TRIM44: variants seen among roughly 807,000 people sequenced by gnomAD.
TRIM44 encodes the protein tripartite motif-containing protein 44.
TRIM44 carries 13 observed loss-of-function variants against 37.4 expected under a neutral mutation model. The observed-to-expected ratio is 0.35, with a 90% CI of 0.23 to 0.55. The LOEUF is 0.55. TRIM44 is among the 20% of genes least tolerant of loss of function. TRIM44 has a pLI of 0.89. For missense variants in TRIM44, 426 were observed against 437.2 expected, an observed-to-expected ratio of 0.97 and a Z score of 0.23; for synonymous variants, 175 against 157.2, an observed-to-expected ratio of 1.11 and a Z score of -0.85.
chr11:35,744,182 C>G (rs1457302214), intron 4 of TRIM44, among the ~76,000 whole-genome samples: 1 of 152,084 alleles, frequency 6.6e-6, no homozygotes, highest in East Asian at 1.9e-4. Flanking sequence ...GCTCATTTCC[C>G]TATTAGAGTA....
At chr11:35,746,622 ATT>A (rs1425288754) in intron 4 of TRIM44, among the ~76,000 whole-genome samples, 4 of 151,810 alleles carry the variant, frequency 2.6e-5, no homozygotes, top group East Asian at 1.9e-4. Context: ...ATGAGTGCAG[ATT>A]TTCTTAAAAT....
rs552524886 is a variant in TRIM44 at position 35,669,404 on chromosome 11, TTTA to T, written c.669+5625_669+5627del. ...TTTAGTTTGCTTTTACTCTGAGATTTTTAGCAGGGTGAAAAGGTGAGAGGGTCC... is the reference window on the plus strand; with the variant it reads ...TTTAGTTTGCTTTTACTCTGAGATTTGCAGGGTGAAAAGGTGAGAGGGTCC... On this transcript the variant is annotated intron_variant, in intron 1 of 4. Coordinates refer to ENST00000299413, the MANE Select transcript of TRIM44 (RefSeq NM_017583.6). Among the ~76,000 whole-genome samples, 573 of 152,302 alleles carry T rather than the reference TTTA, an allele frequency of 3.8e-3. 3 individuals carry two copies. Among genetic ancestry groups the T allele is most frequent in the Non-Finnish European group, 6.8e-3 (461 of 68,036 alleles).
intron 2 of TRIM44, among the ~76,000 whole-genome samples, chr11:35,685,568 G>A (rs540970928): frequency 7.9e-4 from 121 of 152,318 alleles, no homozygotes; most frequent in Non-Finnish European, 1.2e-3. Flanking sequence ...CTGAACTGCA[G>A]ACAGGTGCAT....
chr11:35,789,545 G>C (rs1853174684), intron 4 of TRIM44, among the ~76,000 whole-genome samples: 1 of 152,118 alleles, frequency 6.6e-6, no homozygotes, highest in African/African-American at 2.4e-5. Context: ...TTGCCCAGAG[G>C]GTACTCAGTT....
chr11:35,792,303 G>A (rs927162609), intron 4 of TRIM44, among the ~76,000 whole-genome samples: 1 of 152,114 alleles, frequency 6.6e-6, no homozygotes, highest in Non-Finnish European at 1.5e-5. Flanking sequence ...ATAAATACTT[G>A]TTCACTGAAA....
chr11:35,796,299 C>T (rs1287084457), intron 4 of TRIM44, among the ~76,000 whole-genome samples: 1 of 152,198 alleles, frequency 6.6e-6, no homozygotes, highest in South Asian at 2.1e-4. Context: ...ACACATACAG[C>T]GTGAATCTCT....
Position 35,815,926 on chromosome 11 carries a change from C to T in TRIM44, c.*9541C>T, listed in dbSNP as rs1853576056. 4 of 152,150 alleles carry T rather than the reference C, an allele frequency of 2.6e-5. No individual in the cohort carries two copies. The South Asian group carries it at 8.3e-4, about 32-fold the overall frequency. The allele number at this position is 152,150 out of a possible 1,614,324, so 9.4% of individuals were successfully genotyped here. A position where few individuals can be genotyped will look rare whatever the true frequency, so the allele number is the denominator to read the frequency against. ...TCAGAAAAAGACAATTTTACAATGA[C>T]TTACTTCTAATAATCACTGAAACAG... On this transcript the variant is annotated 3_prime_UTR_variant, in exon 5 of 5. Coordinates refer to ENST00000299413, the MANE Select transcript of TRIM44 (RefSeq NM_017583.6).
chr11:35,791,157 C>G (rs1021962368), intron 4 of TRIM44, among the ~76,000 whole-genome samples: 1 of 152,062 alleles, frequency 6.6e-6, no homozygotes, highest in African/African-American at 2.4e-5. Context: ...TCCATTTGCT[C>G]CAGACCCCCA....
Position 35,795,282 on chromosome 11 carries a change from G to A in TRIM44, c.1008-11076G>A, listed in dbSNP as rs746603492. 5.3e-5 allele frequency among the ~76,000 whole-genome samples: 8 copies of A among 152,226 alleles called. No homozygotes were observed. The South Asian group carries it at 6.2e-4, about 12-fold the overall frequency. On this transcript the variant is annotated intron_variant, in intron 4 of 4. Transcript: ENST00000299413. The stretch of plus-strand genomic sequence containing the variant: ...TTGAAGGATTTTTAAATGGGGTACT[G>A]ATATAATCTATTGCACATTTTTGAA...
intron 4 of TRIM44, among the ~76,000 whole-genome samples, chr11:35,785,736 C>T (rs1374041489): frequency 6.6e-6 from 1 of 152,198 alleles, no homozygotes; most frequent in Admixed American, 6.5e-5. Flanking sequence ...GCAAATGTGC[C>T]TTCAGGGGCC....
intron 2 of TRIM44, among the ~76,000 whole-genome samples, chr11:35,710,620 C>T (rs1851957738): frequency 6.6e-6 from 1 of 152,146 alleles, no homozygotes; most frequent in Non-Finnish European, 1.5e-5. Flanking sequence ...GTTTATTATG[C>T]AGATTTAAGT....
intron 1 of TRIM44, among the ~76,000 whole-genome samples, chr11:35,673,262 T>C (rs552598335): frequency 6.6e-6 from 1 of 152,214 alleles, no homozygotes; most frequent in East Asian, 1.9e-4. Flanking sequence ...GCATATGATA[T>C]TGGGCAGAGA....
intron 4 of TRIM44, among the ~76,000 whole-genome samples, chr11:35,762,714 C>A (rs552595511): frequency 3.1e-4 from 47 of 152,250 alleles, no homozygotes; most frequent in Non-Finnish European, 3.4e-4. Context: ...CAGTGTGATG[C>A]AATGGTTAAA....
intron 1 of TRIM44, among the ~76,000 whole-genome samples, chr11:35,670,866 T>C (rs866059223): frequency 6.6e-6 from 1 of 152,350 alleles, no homozygotes. Context: ...TGACATTTGC[T>C]CTTTTAGGTA....
chr11:35,781,074 G>A (rs1169882864), intron 4 of TRIM44, among the ~76,000 whole-genome samples: 1 of 152,146 alleles, frequency 6.6e-6, no homozygotes, highest in African/African-American at 2.4e-5. Flanking sequence ...GGACTGGGGA[G>A]AAGAAGCTAC....
chr11:35,778,707 G>C lies in TRIM44; in HGVS notation c.1008-27651G>C, dbSNP rs188115142. On this transcript the variant is annotated intron_variant, in intron 4 of 4. Transcript: ENST00000299413. ...AGTCAGGACCCTCAGCTGCAGGTCT[G>C]TTGGAATTTGCTGGAGGTCCACTCC... is the stretch of plus-strand genomic sequence containing the variant. Among the ~76,000 whole-genome samples the C allele has an allele frequency of 1.1e-3, 174 of 152,342 alleles. 1 individual carries two copies. The highest frequency in any genetic ancestry group is 4.0e-3 in the African/African-American group (168 of 41,592).
chr11:35,760,336 C>G (rs902189912), intron 4 of TRIM44, among the ~76,000 whole-genome samples: 1 of 152,208 alleles, frequency 6.6e-6, no homozygotes, highest in Admixed American at 6.5e-5. Context: ...TTGCTAAGAC[C>G]GTTGGAAAAG....
At chr11:35,756,221 A>G (rs1246591395) in intron 4 of TRIM44, among the ~76,000 whole-genome samples, 4 of 150,960 alleles carry the variant, frequency 2.6e-5, no homozygotes, top group African/African-American at 7.3e-5. Flanking sequence ...GGTCCTTCAC[A>G]TCCCTTGTAA....
intron 4 of TRIM44, among the ~76,000 whole-genome samples, chr11:35,765,864 G>A (rs1852791883): frequency 6.6e-6 from 1 of 152,076 alleles, no homozygotes; most frequent in Non-Finnish European, 1.5e-5. Flanking sequence ...GTATAACTAT[G>A]TCTCCTGTTT....
Sources: gnomAD v4.1 joint callset for allele counts (sites outside exome capture counted in the v4.1 genomes callset) on GRCh38, gnomAD v4.1.1 for gene constraint, MANE v1.5 for transcripts, NCBI Gene and HGNC (gene_info 2026-07-23, HGNC 2026-07-21) for gene names.